TFEC: variants seen among roughly 807,000 people sequenced by gnomAD.
TFEC encodes transcription factor EC.
Under a neutral mutation model 41.6 loss-of-function variants are expected in TFEC, and 31 were observed. The observed-to-expected ratio is 0.74, with a 90% CI of 0.56 to 1.01. TFEC has a LOEUF of 1.01. TFEC is among the 50% of genes least tolerant of loss of function. The probability of loss-of-function intolerance (pLI) is 0.00; values close to 1 mark genes in which losing one functional copy is unlikely to be tolerated. For missense variants in TFEC, 402 were observed against 404.1 expected (o/e 0.99, Z 0.04); for synonymous variants, 143 against 140.6 (o/e 1.02, Z -0.12).
intron 1 of TFEC, among the ~76,000 whole-genome samples, chr7:115,988,771 A>G (rs954506576): frequency 2.6e-5 from 4 of 152,122 alleles, no homozygotes; most frequent in African/African-American, 9.7e-5. Flanking sequence ...AAACAAAACA[A>G]GAACAAAAAA....
chr7:116,099,894 C>T (rs1797565654), intron 3 of TFEC, among the ~76,000 whole-genome samples: 1 of 152,140 alleles, frequency 6.6e-6, no homozygotes, highest in South Asian at 2.1e-4. Flanking sequence ...TAGTTGAGTG[C>T]TTTCATTTCA....
At chr7:116,115,970 G>C (rs1440277177) in intron 1 of TFEC, among the ~76,000 whole-genome samples, 1 of 151,924 alleles carries the variant, frequency 6.6e-6, no homozygotes, top group African/African-American at 2.4e-5. Flanking sequence ...GAAAGGATAA[G>C]TTACTTGTAC....
chr7:115,967,549 C>T (rs1017423096), intron 3 of TFEC, among the ~76,000 whole-genome samples: 3 of 151,748 alleles, frequency 2.0e-5, no homozygotes, highest in Non-Finnish European at 2.9e-5. Context: ...CATTAATATT[C>T]CTCTAAATTT....
chr7:116,114,854 T>C (rs1408728343), intron 1 of TFEC, among the ~76,000 whole-genome samples: 1 of 151,800 alleles, frequency 6.6e-6, no homozygotes, highest in Non-Finnish European at 1.5e-5. Context: ...GGAAGGGACA[T>C]TGAAACATCT....
At chr7:116,109,930 C>T (rs892032185) in intron 3 of TFEC, among the ~76,000 whole-genome samples, 15 of 152,122 alleles carry the variant, frequency 9.9e-5, no homozygotes, top group African/African-American at 3.6e-4. Context: ...TTTGTAGGGA[C>T]ATGGATGAAG....
At chr7:116,046,979 TAGAA>T (rs1160661709) in intron 3 of TFEC, among the ~76,000 whole-genome samples, 2 of 152,230 alleles carry the variant, frequency 1.3e-5, no homozygotes, top group African/African-American at 2.4e-5. Flanking sequence ...GATAAATACT[TAGAA>T]AGCATTTACT....
intron 1 of TFEC, among the ~76,000 whole-genome samples, chr7:116,019,922 GTCTACT>G (rs1795329850): frequency 6.6e-6 from 1 of 152,272 alleles, no homozygotes; most frequent in South Asian, 2.1e-4. Flanking sequence ...ATCAAACCAA[GTCTACT>G]TCTATTCTGG....
intron 1 of TFEC, among the ~76,000 whole-genome samples, chr7:116,006,399 G>A (rs1281915880): frequency 2.0e-5 from 3 of 152,204 alleles, no homozygotes; most frequent in African/African-American, 4.8e-5. Flanking sequence ...TGACCTGGAT[G>A]TGAGACATGG....
chr7:116,076,154 C>G (rs1262689222), intron 3 of TFEC, among the ~76,000 whole-genome samples: 1 of 152,156 alleles, frequency 6.6e-6, no homozygotes. Context: ...CACTGGGTGG[C>G]TAGACCCATA....
At chr7:116,006,768 C>T (rs1343015910) in intron 1 of TFEC, among the ~76,000 whole-genome samples, 1 of 152,036 alleles carries the variant, frequency 6.6e-6, no homozygotes, top group Non-Finnish European at 1.5e-5. Context: ...GGCTGTGTCC[C>T]CACCCAAATC....
intron 1 of TFEC, among the ~76,000 whole-genome samples, chr7:116,133,537 GA>G (rs770772031): frequency 1.6e-3 from 174 of 111,936 alleles, no homozygotes; most frequent in South Asian, 3.3e-3. Flanking sequence ...CTCTGTCTCA[GA>G]AAAAAAAAAA....
At chr7:116,126,664 A>G (rs925609109) in intron 1 of TFEC, among the ~76,000 whole-genome samples, 1 of 151,832 alleles carries the variant, frequency 6.6e-6, no homozygotes, top group Admixed American at 6.6e-5. Flanking sequence ...GCGTGGATAG[A>G]AAAAAGGACA....
At chr7:116,026,537 A>C (rs1409811092) in intron 1 of TFEC, among the ~76,000 whole-genome samples, 1 of 152,286 alleles carries the variant, frequency 6.6e-6, no homozygotes, top group South Asian at 2.1e-4. Flanking sequence ...TTACATAGAT[A>C]TTAATTAAAT....
In TFEC at chr7:116,091,483, A is replaced by G. The variant is rs923419902; in HGVS notation, c.198+19225T>C. On this transcript the variant is annotated intron_variant, in intron 3 of 8. Coordinates refer to the TFEC transcript ENST00000484212. ...CCCTCAGCTAGGTCATCACTAACAG[A>G]AAAGCAATCTTAATACAGGCAATTC... Among the ~76,000 whole-genome samples, 5 of 152,308 alleles carry G rather than the reference A, an allele frequency of 3.3e-5. No homozygotes were observed. In the East Asian group the frequency reaches 9.6e-4, roughly 29 times the overall value.
chr7:116,122,095 A>C (rs1046705454), intron 1 of TFEC, among the ~76,000 whole-genome samples: 3 of 152,066 alleles, frequency 2.0e-5, no homozygotes, highest in African/African-American at 4.8e-5. Context: ...TGAAATTGTA[A>C]TTGTTGTTAC....
chr7:116,131,589 G>A (rs910416164), intron 1 of TFEC, among the ~76,000 whole-genome samples: 1 of 151,972 alleles, frequency 6.6e-6, no homozygotes, highest in African/African-American at 2.4e-5. Flanking sequence ...CATAGAAAGA[G>A]TCCTCAAAAA....
At position 115,988,544 on chromosome 7, in the gene TFEC, C is replaced by CA. The variant is rs1481609879; in HGVS notation, c.-72-4032dup. The stretch of plus-strand genomic sequence containing the variant: ...AAAGCAAAAAGAAAAAGCTTAAAAA[C>CA]AAAAAAAGAAACAAAAAAGAATATC... On this transcript the variant is annotated intron_variant, in intron 1 of 7. Transcript: ENST00000265440. 5.3e-5 allele frequency among the ~76,000 whole-genome samples: 8 copies of CA among 150,990 alleles called. No individual in the cohort carries two copies. In the East Asian group the frequency reaches 9.7e-4, roughly 18 times the overall value.
chr7:116,155,843 C>T (rs1798860030), intron 1 of TFEC, among the ~76,000 whole-genome samples: 1 of 152,134 alleles, frequency 6.6e-6, no homozygotes, highest in African/African-American at 2.4e-5. Flanking sequence ...CCCTGCTTTT[C>T]CCCAGCTCTC....
At position 116,130,045 on chromosome 7, in the gene TFEC, AACACACACACAC is replaced by A. The variant is rs56872188; in HGVS notation, c.-68-18019_-68-18008del. 5.9e-3 allele frequency among the ~76,000 whole-genome samples: 839 copies of A among 142,242 alleles called. 5 individuals carry two copies. Among genetic ancestry groups the A allele is most frequent in the Non-Finnish European group, 0.01 (687 of 65,512 alleles). The allele number at this position is 142,242 out of a possible 152,430, so 93.3% of individuals were successfully genotyped here. On this transcript the variant is annotated intron_variant, in intron 1 of 8. Transcript: ENST00000484212. The stretch of plus-strand genomic sequence containing the variant: ...ATATTCCTGCCACCAAACATGCAAG[AACACACACACAC>A]ACACACACACACACACACACACACA...
Sources: gnomAD v4.1 joint callset for allele counts (sites outside exome capture counted in the v4.1 genomes callset) on GRCh38, gnomAD v4.1.1 for gene constraint, MANE v1.5 for transcripts, NCBI Gene and HGNC (gene_info 2026-07-23, HGNC 2026-07-21) for gene names.